Variants in PTPRR observed in about 807,000 individuals in gnomAD.
The protein encoded by PTPRR is protein tyrosine phosphatase receptor type R, also known as receptor-type tyrosine-protein phosphatase R.
Under a neutral mutation model 77.2 loss-of-function variants are expected in PTPRR, and 38 were observed. The ratio of observed to expected loss-of-function variants is 0.49; its 90% CI spans 0.38 to 0.65. The LOEUF is 0.65. Among genes scored for constraint, PTPRR ranks in the 30% least tolerant of loss-of-function variants. The pLI is 0.00. For synonymous variants in PTPRR, 299 were observed against 283.1 expected (o/e 1.06, Z -0.57); for missense variants, 744 against 799.2 (o/e 0.93, Z 0.83).
chr12:70,839,943 T>A (rs998761482), intron 2 of PTPRR, among the ~76,000 whole-genome samples: 3 of 152,198 alleles, frequency 2.0e-5, no homozygotes, highest in Admixed American at 1.3e-4. Context: ...TCCCTATAAA[T>A]GTCACCATGT....
At chr12:70,885,446 A>G (rs1893222003) in intron 2 of PTPRR, among the ~76,000 whole-genome samples, 1 of 152,216 alleles carries the variant, frequency 6.6e-6, no homozygotes, top group African/African-American at 2.4e-5. Flanking sequence ...TGCAGATTTC[A>G]TACTTTTGTA....
At chr12:70,712,770 C>G (rs1472990490) in intron 6 of PTPRR, among the ~76,000 whole-genome samples, 1 of 151,816 alleles carries the variant, frequency 6.6e-6, no homozygotes, top group Non-Finnish European at 1.5e-5. Flanking sequence ...TTAACCAAAT[C>G]AAACAAAATG....
At chr12:70,845,697 T>C (rs4760832) in intron 2 of PTPRR, among the ~76,000 whole-genome samples, 152,123 of 152,302 alleles carry the variant, frequency 1, 75,973 homozygotes, top group Middle Eastern at 1. Context: ...AGGAGAAGAT[T>C]CAGCACCTAG....
At chr12:70,643,341 G>A (rs570054256) in intron 13 of PTPRR, among the ~76,000 whole-genome samples, 1 of 151,444 alleles carries the variant, frequency 6.6e-6, no homozygotes, top group South Asian at 2.1e-4. Context: ...TGTTTTGTTT[G>A]TTTTGTTTTT....
At chr12:70,777,119 C>G (rs1325424477) in intron 2 of PTPRR, among the ~76,000 whole-genome samples, 1 of 151,896 alleles carries the variant, frequency 6.6e-6, no homozygotes, top group Non-Finnish European at 1.5e-5. Flanking sequence ...TGTTCCACAA[C>G]TTGCTTTTTT....
chr12:70,843,808 ATTT>A (rs201003875), intron 2 of PTPRR, among the ~76,000 whole-genome samples: 6 of 124,636 alleles, frequency 4.8e-5, no homozygotes, highest in Non-Finnish European at 5.1e-5. Context: ...GTTGCTGAAA[ATTT>A]TTTTTTTTTT....
At chr12:70,823,141 AC>A (rs1892050915) in intron 2 of PTPRR, among the ~76,000 whole-genome samples, 1 of 151,326 alleles carries the variant, frequency 6.6e-6, no homozygotes. Flanking sequence ...ACACACACAC[AC>A]ACACACACAC....
chr12:70,831,495 G>C (rs1892212295), intron 2 of PTPRR, among the ~76,000 whole-genome samples: 1 of 152,184 alleles, frequency 6.6e-6, no homozygotes, highest in African/African-American at 2.4e-5. Context: ...TCAGCCAGCA[G>C]GTGGAGAAGA....
intron 10 of PTPRR, among the ~76,000 whole-genome samples, chr12:70,671,379 A>G (rs1274790516): frequency 6.6e-6 from 1 of 152,172 alleles, no homozygotes; most frequent in African/African-American, 2.4e-5. Flanking sequence ...TAGGGAAAAA[A>G]AGCACAAAGC....
chr12:70,655,755 G>A (rs1425140509), intron 13 of PTPRR, among the ~76,000 whole-genome samples: 3 of 152,188 alleles, frequency 2.0e-5, no homozygotes, highest in African/African-American at 7.2e-5. Context: ...GGAATGGGGA[G>A]TTTTTTAATG....
chr12:70,899,624 G>A (rs1893496889), intron 1 of PTPRR, among the ~76,000 whole-genome samples: 1 of 151,426 alleles, frequency 6.6e-6, no homozygotes, highest in South Asian at 2.1e-4. Context: ...ATGCTTAATA[G>A]TGAAAAACTG....
chr12:70,709,748 A>C (rs916790869), intron 6 of PTPRR, among the ~76,000 whole-genome samples: 1 of 152,180 alleles, frequency 6.6e-6, no homozygotes. Flanking sequence ...CAATTGCCCC[A>C]AAAGGATAAA....
intron 2 of PTPRR, among the ~76,000 whole-genome samples, chr12:70,885,609 A>G (rs900689999): frequency 6.9e-6 from 1 of 145,782 alleles, no homozygotes; most frequent in Non-Finnish European, 1.5e-5. Flanking sequence ...ATCTCAGCTC[A>G]CTGCAAGCTC....
intron 2 of PTPRR, among the ~76,000 whole-genome samples, chr12:70,844,328 G>T (rs1431411058): frequency 6.6e-6 from 1 of 152,108 alleles, no homozygotes; most frequent in African/African-American, 2.4e-5. Flanking sequence ...CAAAAGATGG[G>T]TCAAGGGTTA....
intron 13 of PTPRR, among the ~76,000 whole-genome samples, chr12:70,648,456 T>A (rs1278551327): frequency 3.3e-5 from 5 of 152,226 alleles, no homozygotes; most frequent in Admixed American, 6.5e-5. Flanking sequence ...AGCTTTGTTG[T>A]GAGTCACACA....
At chr12:70,777,836 T>C (rs1410271453) in intron 2 of PTPRR, among the ~76,000 whole-genome samples, 2 of 152,216 alleles carry the variant, frequency 1.3e-5, no homozygotes, top group Non-Finnish European at 2.9e-5. Flanking sequence ...CATTAAATAG[T>C]GACATGAGTT....
At chr12:70,849,871 GC>G (rs1227161630) in intron 2 of PTPRR, among the ~76,000 whole-genome samples, 23 of 152,100 alleles carry the variant, frequency 1.5e-4, no homozygotes, top group Non-Finnish European at 2.2e-4. Flanking sequence ...CCAAGTAAGA[GC>G]TGTTATTTTT....
intron 1 of PTPRR, among the ~76,000 whole-genome samples, chr12:70,918,882 G>A (rs1007548737): frequency 1.3e-5 from 2 of 152,140 alleles, no homozygotes; most frequent in Admixed American, 6.5e-5. Flanking sequence ...TTGAAGAATT[G>A]TATGTGGTAA....
chr12:70,835,218 A>G (rs553701568), intron 2 of PTPRR, among the ~76,000 whole-genome samples: 72 of 152,294 alleles, frequency 4.7e-4, no homozygotes, highest in Non-Finnish European at 7.5e-4. Flanking sequence ...TGATTAAAAG[A>G]GACTATATGC....
Sources: allele counts gnomAD v4.1 joint callset (sites outside exome capture counted in the v4.1 genomes callset), GRCh38; gene constraint gnomAD v4.1.1; transcripts MANE v1.5; gene names NCBI Gene and HGNC (gene_info 2026-07-23, HGNC 2026-07-21).